Variants in SH3GL2 observed in about 807,000 individuals in gnomAD.
SH3GL2 encodes endophilin-A1.
Under a neutral mutation model 46.0 loss-of-function variants are expected in SH3GL2, and 24 were observed. The observed-to-expected ratio is 0.52, with a 90% CI of 0.38 to 0.73. The LOEUF (loss-of-function observed/expected upper bound fraction) is 0.73. Among genes scored for constraint, SH3GL2 ranks in the 30% least tolerant of loss-of-function variants. The probability of loss-of-function intolerance (pLI) is 0.00; values close to 1 mark genes in which losing one functional copy is unlikely to be tolerated. For missense variants in SH3GL2, 413 were observed against 424.2 expected, an observed-to-expected ratio of 0.97 and a Z score of 0.23; for synonymous variants, 196 against 147.1, an observed-to-expected ratio of 1.33 and a Z score of -2.40.
chr9:17,764,835 A>C lies in SH3GL2; in HGVS notation c.187+3326A>C, dbSNP rs1463005536. Among the ~76,000 whole-genome samples, 4 of 28,242 alleles carry C rather than the reference A, an allele frequency of 1.4e-4. 2 individuals carry two copies. The highest frequency in any genetic ancestry group is 4.7e-4 in the African/African-American group (4 of 8,526). The allele number at this position is 28,242 out of a possible 152,430, so 18.5% of individuals were successfully genotyped here. On this transcript the variant is annotated intron_variant, in intron 3 of 8. Coordinates refer to ENST00000380607, the MANE Select transcript of SH3GL2 (RefSeq NM_003026.5). ...GGTACATGGACAGGCCAGGGCAATC[A>C]GTAAGATTTGATGCTTCAAGGGTAC...
At chr9:17,747,184 C>G (rs1284463292) in intron 2 of SH3GL2, 50 bp downstream of exon 2, 26 of 1,170,024 alleles carry the variant, frequency 2.2e-5, no homozygotes, top group Non-Finnish European at 3.0e-5. Flanking sequence ...ACATGTCTAC[C>G]ATAATTAGAG....
chr9:17,598,824 A>G (rs1818618854), intron 1 of SH3GL2, among the ~76,000 whole-genome samples: 1 of 152,202 alleles, frequency 6.6e-6, no homozygotes, highest in African/African-American at 2.4e-5. Context: ...CATTTTACTG[A>G]TGAGGAAACT....
chr9:17,642,659 T>C (rs1251874165), intron 1 of SH3GL2, among the ~76,000 whole-genome samples: 3 of 152,204 alleles, frequency 2.0e-5, no homozygotes, highest in Non-Finnish European at 2.9e-5. Flanking sequence ...GATCAGATTG[T>C]TGCAGATGTG....
rs57019804 is a variant in SH3GL2 at position 17,758,561 on chromosome 9, C to CAAAAAAAAAAAAAAAAAAAAAAAAAAAA, written c.115-2869_115-2842dup. Among the ~76,000 whole-genome samples the CAAAAAAAAAAAAAAAAAAAAAAAAAAAA allele has an allele frequency of 4.1e-4, 12 of 29,228 alleles. 3 individuals carry two copies. Among genetic ancestry groups the CAAAAAAAAAAAAAAAAAAAAAAAAAAAA allele is most frequent in the East Asian group, 3.2e-3 (1 of 314 alleles). 19.2% of individuals were successfully genotyped at this position (29,228 alleles called of 152,430 possible). A position where few individuals can be genotyped will look rare whatever the true frequency, so the allele number is the denominator to read the frequency against. On this transcript the variant is annotated intron_variant, in intron 2 of 8. Coordinates refer to ENST00000380607, the MANE Select transcript of SH3GL2 (RefSeq NM_003026.5). ...TGGGGGAGAGAGTAAGACCCTGTCT[C>CAAAAAAAAAAAAAAAAAAAAAAAAAAAA]AAAAAAAAAAAAAAAAAAAAAAAAA...
chr9:17,633,234 C>A (rs2208496), intron 1 of SH3GL2, among the ~76,000 whole-genome samples: 2 of 151,916 alleles, frequency 1.3e-5, no homozygotes, highest in African/African-American at 4.8e-5. Flanking sequence ...TAGAATGAGA[C>A]GCCATGATGA....
At chr9:17,585,898 G>A (rs7047611) in intron 1 of SH3GL2, among the ~76,000 whole-genome samples, 112,078 of 152,114 alleles carry the variant, frequency 0.74, 42,352 homozygotes, top group African/African-American at 0.91. Flanking sequence ...AAACTTTGTA[G>A]TACAACCCTT....
At chr9:17,710,841 G>A (rs1165172463) in intron 1 of SH3GL2, among the ~76,000 whole-genome samples, 1 of 151,884 alleles carries the variant, frequency 6.6e-6, no homozygotes, top group Non-Finnish European at 1.5e-5. Flanking sequence ...TCTGCAAGGG[G>A]TATGTTCCAA....
chr9:17,738,652 AGAG>A (rs1822431737), intron 1 of SH3GL2, among the ~76,000 whole-genome samples: 3 of 131,594 alleles, frequency 2.3e-5, no homozygotes, highest in African/African-American at 7.9e-5. Context: ...AGAGAGAGAG[AGAG>A]AGAGAGAGAG....
At chr9:17,752,071 G>T (rs1427927386) in intron 2 of SH3GL2, among the ~76,000 whole-genome samples, 2 of 152,144 alleles carry the variant, frequency 1.3e-5, no homozygotes, top group Admixed American at 6.5e-5. Context: ...TAATAACCTT[G>T]TTTATTTTTG....
In SH3GL2 at chr9:17,614,411, C is replaced by G. The variant is rs1017882231; in HGVS notation, c.45+35124C>G. ...GAAATGGGAAAGATTGGATTGAGCC[C>G]TTGTGTCAAGGAAATTGACTTGGCT... On this transcript the variant is annotated intron_variant, in intron 1 of 8. Transcript: ENST00000380607. 7.0e-4 allele frequency among the ~76,000 whole-genome samples: 106 copies of G among 151,024 alleles called. 1 individual carries two copies. The highest frequency in any genetic ancestry group is 7.3e-4 in the Admixed American group (11 of 15,112).
chr9:17,738,463 C>T (rs1822406478), intron 1 of SH3GL2, among the ~76,000 whole-genome samples: 1 of 142,036 alleles, frequency 7.0e-6, no homozygotes. Flanking sequence ...CATGGATATA[C>T]ATACATACAT....
At chr9:17,608,052 G>A (rs1296231941) in intron 1 of SH3GL2, among the ~76,000 whole-genome samples, 1 of 152,026 alleles carries the variant, frequency 6.6e-6, no homozygotes. Context: ...TTTGTGTTTG[G>A]GGGGCTGTTT....
At chr9:17,587,551 G>C (rs1026773151) in intron 1 of SH3GL2, among the ~76,000 whole-genome samples, 1 of 152,132 alleles carries the variant, frequency 6.6e-6, no homozygotes, top group Non-Finnish European at 1.5e-5. Flanking sequence ...ACTATCCATG[G>C]TAGATTTGAG....
chr9:17,617,362 C>T (rs1481479643), intron 1 of SH3GL2, among the ~76,000 whole-genome samples: 1 of 152,210 alleles, frequency 6.6e-6, no homozygotes, highest in African/African-American at 2.4e-5. Flanking sequence ...AGATCTCTAT[C>T]ATTGTTTCCC....
chr9:17,680,001 C>G (rs978833525), intron 1 of SH3GL2, among the ~76,000 whole-genome samples: 6 of 152,112 alleles, frequency 3.9e-5, no homozygotes, highest in Non-Finnish European at 7.4e-5. Context: ...GGTGGATAAG[C>G]TTTTTGATGT....
intron 1 of SH3GL2, among the ~76,000 whole-genome samples, chr9:17,607,801 C>T (rs777895760): frequency 5.3e-5 from 8 of 152,068 alleles, no homozygotes; most frequent in Non-Finnish European, 1.2e-4. Context: ...TCATCCGTAG[C>T]AGAATTGCCT....
At chr9:17,725,280 G>C (rs1302357257) in intron 1 of SH3GL2, among the ~76,000 whole-genome samples, 4 of 152,058 alleles carry the variant, frequency 2.6e-5, no homozygotes, top group Non-Finnish European at 5.9e-5. Flanking sequence ...AAATAAAAGA[G>C]GTGTGCATTC....
At chr9:17,662,018 T>G (rs1588214379) in intron 1 of SH3GL2, among the ~76,000 whole-genome samples, 1 of 152,326 alleles carries the variant, frequency 6.6e-6, no homozygotes, top group East Asian at 1.9e-4. Flanking sequence ...ATACCCAGTA[T>G]AATTTTACTC....
intron 1 of SH3GL2, among the ~76,000 whole-genome samples, chr9:17,716,260 G>A (rs956528615): frequency 2.6e-5 from 4 of 151,960 alleles, no homozygotes; most frequent in Non-Finnish European, 5.9e-5. Flanking sequence ...TTAGTTGTAC[G>A]ATATTGTGAA....
Sources: gnomAD v4.1 joint callset for allele counts (sites outside exome capture counted in the v4.1 genomes callset) on GRCh38, gnomAD v4.1.1 for gene constraint, MANE v1.5 for transcripts, NCBI Gene and HGNC (gene_info 2026-07-23, HGNC 2026-07-21) for gene names.